The following LCORL variants were observed in gnomAD, a reference collection of about 807,000 sequenced individuals.
The protein encoded by LCORL is ligand dependent nuclear receptor corepressor like, also known as ligand-dependent nuclear receptor corepressor-like protein.
In LCORL, 41 loss-of-function variants were observed where a neutral mutation model predicts 141.8. The observed-to-expected ratio is 0.29, with a 90% CI of 0.23 to 0.38. LCORL has a LOEUF of 0.38. Ranked by LOEUF, LCORL falls within the 10% of genes least tolerant of loss-of-function variation. The pLI, the probability that LCORL is intolerant of heterozygous loss-of-function variation, is 1.00. For synonymous variants in LCORL, 618 were observed against 694.1 expected (o/e 0.89, Z 1.72); for missense variants, 1,759 against 2,035.0 (o/e 0.86, Z 2.61).
At chr4:17,903,081 T>C (rs1241079318) in intron 5 of LCORL, among the ~76,000 whole-genome samples, 1 of 152,054 alleles carries the variant, frequency 6.6e-6, no homozygotes, top group Non-Finnish European at 1.5e-5. Context: ...CTAAATGCAA[T>C]GGTCAAGTCT....
At chr4:17,845,589 T>C (rs575685662) in exon 8 of LCORL, 49 of 531,130 alleles carry the variant, frequency 9.2e-5, no homozygotes, top group African/African-American at 7.5e-4. Flanking sequence ...ATAATCAAAA[T>C]GATTAATGCT....
At chr4:17,857,893 G>C (rs1437772184) in intron 7 of LCORL, among the ~76,000 whole-genome samples, 1 of 152,168 alleles carries the variant, frequency 6.6e-6, no homozygotes, top group African/African-American at 2.4e-5. Context: ...CCAGAACAGA[G>C]CCCAAGAACA....
chr4:17,919,606 G>T (rs1232529035), intron 4 of LCORL, among the ~76,000 whole-genome samples: 4 of 152,266 alleles, frequency 2.6e-5, no homozygotes, highest in Admixed American at 6.5e-5. Context: ...GTGTGTAATA[G>T]CACTATGTCT....
At chr4:17,934,634 C>G (rs1447191494) in intron 4 of LCORL, among the ~76,000 whole-genome samples, 1 of 152,044 alleles carries the variant, frequency 6.6e-6, no homozygotes, top group Non-Finnish European at 1.5e-5. Flanking sequence ...AATTTAGCTG[C>G]AAGTTTTATC....
At chr4:18,020,041 A>G (rs1725235032) in intron 1 of LCORL, among the ~76,000 whole-genome samples, 1 of 152,242 alleles carries the variant, frequency 6.6e-6, no homozygotes, top group Admixed American at 6.5e-5. Context: ...AGAGAAGACC[A>G]AAATACATTT....
intron 4 of LCORL, among the ~76,000 whole-genome samples, chr4:17,939,708 T>C (rs1737518841): frequency 6.6e-6 from 1 of 152,082 alleles, no homozygotes; most frequent in Admixed American, 6.5e-5. Context: ...AAAGTAAGTT[T>C]AGTTTTAGAT....
intron 5 of LCORL, among the ~76,000 whole-genome samples, chr4:17,905,087 T>C (rs1469865989): frequency 6.6e-6 from 1 of 152,182 alleles, no homozygotes; most frequent in African/African-American, 2.4e-5. Flanking sequence ...TTTCCTGTTG[T>C]TGCAGCTATT....
intron 1 of LCORL, among the ~76,000 whole-genome samples, chr4:17,984,683 G>A (rs1234560324): frequency 3.3e-5 from 5 of 151,390 alleles, no homozygotes; most frequent in South Asian, 2.1e-4. Context: ...AGCTAGTGAC[G>A]TATTTTATTA....
At chr4:17,931,605 G>A (rs1023765176) in intron 4 of LCORL, among the ~76,000 whole-genome samples, 3 of 151,888 alleles carry the variant, frequency 2.0e-5, no homozygotes, top group African/African-American at 7.2e-5. Flanking sequence ...AATACTGCAG[G>A]TAAATAAGAC....
At chr4:17,845,470 TAG>T (rs1210456844) in exon 8 of LCORL, 1 of 325,154 alleles carries the variant, frequency 3.1e-6, no homozygotes, top group African/African-American at 2.1e-5. Flanking sequence ...TATTTAAACT[TAG>T]GGCATAAAAA....
intron 4 of LCORL, among the ~76,000 whole-genome samples, chr4:17,948,869 C>T (rs577950108): frequency 1.8e-4 from 27 of 151,254 alleles, no homozygotes; most frequent in Middle Eastern, 6.8e-3. Flanking sequence ...GAGGAGAAAA[C>T]GGTACAGTGA....
chr4:17,922,477 G>A (rs1274672226), intron 4 of LCORL, among the ~76,000 whole-genome samples: 1 of 152,186 alleles, frequency 6.6e-6, no homozygotes, highest in African/African-American at 2.4e-5. Flanking sequence ...AATGAAGTCG[G>A]TTGGTTGCTC....
chr4:17,867,971 CAG>C (rs1210663166), intron 7 of LCORL, among the ~76,000 whole-genome samples: 2 of 152,114 alleles, frequency 1.3e-5, no homozygotes, highest in South Asian at 4.1e-4. Context: ...CAAATATAAA[CAG>C]AATGTATCTT....
At chr4:18,012,679 GA>G (rs147233383) in intron 1 of LCORL, among the ~76,000 whole-genome samples, 4 of 149,658 alleles carry the variant, frequency 2.7e-5, no homozygotes, top group Admixed American at 6.6e-5. Context: ...TTTTGAAGGG[GA>G]AAAAAAAATA....
chr4:17,986,026 T>A (rs190650324), intron 1 of LCORL, among the ~76,000 whole-genome samples: 1 of 152,306 alleles, frequency 6.6e-6, no homozygotes, highest in Non-Finnish European at 1.5e-5. Context: ...GGAAGCTTAG[T>A]TTGGCTGGAT....
At chr4:17,927,003 C>T (rs891304456) in intron 4 of LCORL, among the ~76,000 whole-genome samples, 6 of 152,340 alleles carry the variant, frequency 3.9e-5, no homozygotes, top group East Asian at 1.9e-4. Context: ...AAGCCCTAGA[C>T]GGCGTCTTCT....
At chr4:17,875,568 G>A (rs1182864281) in exon 7 of LCORL, 1 of 1,231,070 alleles carries the variant, frequency 8.1e-7, no homozygotes, top group Admixed American at 4.2e-5. Flanking sequence ...AACAGTTACT[G>A]TAATACTCTT....
At chr4:17,998,985 A>AAT (rs1274746631) in intron 1 of LCORL, among the ~76,000 whole-genome samples, 65 of 57,880 alleles carry the variant, frequency 1.1e-3, no homozygotes, top group Middle Eastern at 0.016. Context: ...AAAAAAAAAA[A>AAT]ATATATATAT....
chr4:17,941,037 A>G (rs1269605120), intron 4 of LCORL, among the ~76,000 whole-genome samples: 2 of 152,210 alleles, frequency 1.3e-5, no homozygotes, highest in East Asian at 3.9e-4. Flanking sequence ...AAAGATTCAG[A>G]GGTTTCTGAA....
Sources: gnomAD v4.1 joint callset for allele counts (sites outside exome capture counted in the v4.1 genomes callset) on GRCh38, gnomAD v4.1.1 for gene constraint, MANE v1.5 for transcripts, NCBI Gene and HGNC (gene_info 2026-07-23, HGNC 2026-07-21) for gene names.